PGM1: variants seen among roughly 807,000 people sequenced by gnomAD.
PGM1 encodes the protein phosphoglucomutase-1.
A neutral mutation model predicts 55.6 loss-of-function variants in PGM1; 52 were observed. The observed-to-expected ratio is 0.94, with a 90% CI of 0.75 to 1.18. The LOEUF is 1.18. PGM1 is among the 50% of genes most tolerant of loss of function. The probability of loss-of-function intolerance (pLI) is 0.00; values close to 1 mark genes in which losing one functional copy is unlikely to be tolerated. For missense variants in PGM1, 724 were observed against 729.3 expected (o/e 0.99, Z 0.08); for synonymous variants, 287 against 271.7 (o/e 1.06, Z -0.55).
intron 1 of PGM1, among the ~76,000 whole-genome samples, chr1:63,617,343 A>G (rs976124150): frequency 2.0e-5 from 3 of 152,142 alleles, no homozygotes; most frequent in Admixed American, 6.5e-5. Flanking sequence ...CAGAAGCCCA[A>G]TTAGGGTTCA....
chr1:63,643,895 TGAGA>T (rs1649585711), intron 7 of PGM1, among the ~76,000 whole-genome samples: 1 of 152,118 alleles, frequency 6.6e-6, no homozygotes, highest in Non-Finnish European at 1.5e-5. Flanking sequence ...TTCCAGGCAG[TGAGA>T]ACTGTATGTT....
At position 63,593,607 on chromosome 1, in the gene PGM1, T is replaced by G; in HGVS notation, c.119T>G (p.Ile40Ser). The G allele has an allele frequency of 6.2e-7, 1 of 1,613,356 alleles. No individual in the cohort carries two copies. The highest frequency in any genetic ancestry group is 8.5e-7 in the Non-Finnish European group (1 of 1,179,812). ...AGCGCCAACTACGCGGAGAACTTCATCCAGAGTATCATCTCCACCGTGGAG... is the reference window on the plus strand; with the variant it reads ...AGCGCCAACTACGCGGAGAACTTCAGCCAGAGTATCATCTCCACCGTGGAG... ...QSSANYAENF[I>S]QSIISTVEPA... is the part of the protein sequence containing the mutation. Residue 40 changes from isoleucine to serine, a missense_variant, in exon 1 of 11, where the codon ATC (isoleucine) becomes AGC (serine). Ile to Ser is a moderately radical substitution (Grantham distance 142). This residue lies in a region of PGM1 where 379 missense variants were observed against 357.5 expected (regional missense o/e 1.06). Coordinates refer to ENST00000371084, the MANE Select transcript of PGM1 (RefSeq NM_002633.3).
chr1:63,626,844 G>A (rs1267793054), intron 1 of PGM1, among the ~76,000 whole-genome samples: 6 of 152,100 alleles, frequency 3.9e-5, no homozygotes, highest in African/African-American at 1.4e-4. Context: ...CAAACTGAAA[G>A]TCTGTGTCCA....
Position 63,635,213 on chromosome 1 carries a change from A to G in PGM1, c.873+194A>G, listed in dbSNP as rs2301057. 0.42 allele frequency among the ~76,000 whole-genome samples: 63,932 copies of G among 151,928 alleles called. 14,032 individuals carry two copies. Among genetic ancestry groups the G allele is most frequent in the East Asian group, 0.65 (3,332 of 5,138 alleles). On this transcript the variant is annotated intron_variant, in intron 5 of 10. Coordinates refer to ENST00000371084, the MANE Select transcript of PGM1 (RefSeq NM_002633.3). Reference sequence around the variant, plus strand: ...GGAGTCATTGAAATGAAACCCACACATTTAATTTCAGACATCCATACTTGC... The same window carrying G: ...GGAGTCATTGAAATGAAACCCACACGTTTAATTTCAGACATCCATACTTGC...
chr1:63,642,128 A>C (rs1649534959), intron 7 of PGM1, among the ~76,000 whole-genome samples: 1 of 152,220 alleles, frequency 6.6e-6, no homozygotes, highest in African/African-American at 2.4e-5. Context: ...TTGCGGGAAG[A>C]AATGCACTTT....
chr1:63,608,788 G>A (rs1385685199), intron 1 of PGM1, among the ~76,000 whole-genome samples: 1 of 152,068 alleles, frequency 6.6e-6, no homozygotes, highest in Non-Finnish European at 1.5e-5. Flanking sequence ...ACCGCTTTGT[G>A]GTCAAATCCA....
intron 1 of PGM1, chr1:63,593,976 G>C (rs894167825): frequency 8.5e-7 from 1 of 1,181,254 alleles, no homozygotes; most frequent in Admixed American, 4.8e-5. Flanking sequence ...GGGGCGCCGG[G>C]AGGTGCGGGC....
At position 63,593,611 on chromosome 1, in the gene PGM1, G is replaced by A; in HGVS notation, c.123G>A (p.Gln41=). The change falls in exon 1 of 11, where the codon CAG becomes CAA. Residue 41 remains glutamine, a synonymous_variant. Coordinates refer to ENST00000371084, the MANE Select transcript of PGM1 (RefSeq NM_002633.3). ...CCAACTACGCGGAGAACTTCATCCA[G>A]AGTATCATCTCCACCGTGGAGCCGG... ...SSANYAENFI[Q]SIISTVEPAQ... 1 of 1,613,372 alleles carries A rather than the reference G, an allele frequency of 6.2e-7. No homozygotes were observed. Among genetic ancestry groups the A allele is most frequent in the Admixed American group, 1.7e-5 (1 of 59,964 alleles).
chr1:63,623,432 C>G, intron 1 of PGM1: 1 of 1,602,590 alleles, frequency 6.2e-7, no homozygotes, highest in South Asian at 1.1e-5. Context: ...TCTGGACACC[C>G]TCACTGAGCC....
Position 63,631,979 on chromosome 1 carries a change from G to A in PGM1, c.682+197G>A, listed in dbSNP as rs57088403. 0.012 allele frequency among the ~76,000 whole-genome samples: 1,831 copies of A among 152,234 alleles called. 36 individuals are homozygous for A. Among genetic ancestry groups the A allele is most frequent in the African/African-American group, 0.042 (1,734 of 41,508 alleles). On this transcript the variant is annotated intron_variant, in intron 4 of 10. Transcript: ENST00000371084. ...AGCAAAAATAGTAGAGACACTCCTC[G>A]TGGTAAGCTCGTGTGAAGGTCAGTG...
intron 6 of PGM1, among the ~76,000 whole-genome samples, chr1:63,638,299 T>C (rs1335668257): frequency 6.6e-6 from 1 of 152,204 alleles, no homozygotes; most frequent in Non-Finnish European, 1.5e-5. Flanking sequence ...AGACCCAGTA[T>C]GTCATGATTC....
chr1:63,623,900 A>C, intron 1 of PGM1: 1 of 618,660 alleles, frequency 1.6e-6, no homozygotes, highest in Non-Finnish European at 2.8e-6. Flanking sequence ...TTGTAACTTC[A>C]GTGATTGTAT....
At chr1:63,638,515 A>G (rs1247936733) in intron 6 of PGM1, among the ~76,000 whole-genome samples, 170 bp from the exon 7 acceptor site, 18 of 152,126 alleles carry the variant, frequency 1.2e-4, no homozygotes, top group Non-Finnish European at 1.5e-4. Flanking sequence ...ATAATAGCCC[A>G]TTGTGCACAA....
rs1368952817 is a variant in PGM1 at position 63,659,969 on chromosome 1, A to G, written c.*294A>G. ...GCCATCAGGTACAGTTTACACTACA[A>G]TGTAAGCTATAGGTGGAGCATCAGC... On this transcript the variant is annotated 3_prime_UTR_variant, in exon 11 of 11. Transcript: ENST00000371084. 3.9e-6 allele frequency: 2 copies of G among 511,696 alleles called. No individual in the cohort carries two copies. Among genetic ancestry groups the G allele is most frequent in the Admixed American group, 3.2e-5 (1 of 31,560 alleles). The allele number at this position is 511,696 out of a possible 1,614,324, so 31.7% of individuals were successfully genotyped here.
At chr1:63,606,216 G>C (rs958672006) in intron 1 of PGM1, among the ~76,000 whole-genome samples, 2 of 152,164 alleles carry the variant, frequency 1.3e-5, no homozygotes, top group African/African-American at 4.8e-5. Context: ...CATGCTATCA[G>C]AGGCAACAAA....
At chr1:63,635,924 G>A (rs1334889901) in intron 5 of PGM1, among the ~76,000 whole-genome samples, 1 of 152,210 alleles carries the variant, frequency 6.6e-6, no homozygotes, top group Non-Finnish European at 1.5e-5. Flanking sequence ...ATTGGTTCCA[G>A]AGTCTGAAAA....
Position 63,633,928 on chromosome 1 carries a change from ATATATTTTT to A in PGM1, c.683-899_683-891del, listed in dbSNP as rs1649282720. Among the ~76,000 whole-genome samples, 9 of 64,376 alleles carry A rather than the reference ATATATTTTT, an allele frequency of 1.4e-4. 1 individual carries two copies. Among genetic ancestry groups the A allele is most frequent in the African/African-American group, 8.5e-4 (8 of 9,370 alleles). 42.2% of individuals were successfully genotyped at this position (64,376 alleles called of 152,430 possible). The stretch of plus-strand genomic sequence containing the variant: ...TGTGTGTGTGTGTGTGTATATATAT[ATATATTTTT>A]TTTTTTTTTTTTTTTTTTTTTTTTA... On this transcript the variant is annotated intron_variant, in intron 4 of 10. Transcript: ENST00000371084.
At chr1:63,629,856 G>T in intron 2 of PGM1, 86 bp from the exon 3 acceptor site, 2 of 1,451,558 alleles carry the variant, frequency 1.4e-6, no homozygotes, top group Non-Finnish European at 1.9e-6. Flanking sequence ...AGATGTGCTA[G>T]TGAAGAGGAA....
At chr1:63,593,766 A>G in intron 1 of PGM1, 32 bp downstream of exon 1, 1 of 1,560,676 alleles carries the variant, frequency 6.4e-7, no homozygotes, top group Non-Finnish European at 8.6e-7. Context: ...GCCGCTGTGC[A>G]CCCTGGCGCG....
Sources: gnomAD v4.1 joint callset for allele counts (sites outside exome capture counted in the v4.1 genomes callset) on GRCh38, gnomAD v4.1.1 for gene constraint, gnomAD v4.1.1 regional missense constraint, MANE v1.5 for transcripts, NCBI Gene and HGNC (gene_info 2026-07-23, HGNC 2026-07-21) for gene names.